The following CACNA1B variants were observed in gnomAD, a reference collection of about 807,000 sequenced individuals.
CACNA1B encodes calcium voltage-gated channel subunit alpha1 B.
CACNA1B carries 70 observed loss-of-function variants against 247.2 expected under a neutral mutation model. The ratio of observed to expected loss-of-function variants is 0.28; its 90% CI spans 0.23 to 0.35. CACNA1B has a LOEUF of 0.35. CACNA1B is among the 10% of genes least tolerant of loss of function. The pLI is 1.00. For missense variants in CACNA1B, 2,367 were observed against 3,197.4 expected, an observed-to-expected ratio of 0.74 and a Z score of 6.26; for synonymous variants, 1,231 against 1,294.4, an observed-to-expected ratio of 0.95 and a Z score of 1.05.
At chr9:138,106,185 C>G (rs958587335) in intron 39 of CACNA1B, among the ~76,000 whole-genome samples, 1 of 152,176 alleles carries the variant, frequency 6.6e-6, no homozygotes, top group Non-Finnish European at 1.5e-5. Context: ...TGAGCCCATC[C>G]GGTCTTTCCC....
intron 12 of CACNA1B, among the ~76,000 whole-genome samples, chr9:137,982,783 T>C (rs1326253166): frequency 2.0e-5 from 3 of 152,246 alleles, no homozygotes; most frequent in Non-Finnish European, 4.4e-5. Context: ...CAGATGGCAC[T>C]CTTGGCAAGA....
At chr9:138,008,337 C>T (rs1958680695) in intron 16 of CACNA1B, among the ~76,000 whole-genome samples, 1 of 152,228 alleles carries the variant, frequency 6.6e-6, no homozygotes, top group African/African-American at 2.4e-5. Flanking sequence ...CCACGAGCGT[C>T]CCCCTCCCTG....
chr9:138,040,628 G>A (rs1045251717), intron 20 of CACNA1B: 10 of 425,636 alleles, frequency 2.3e-5, no homozygotes, highest in South Asian at 3.4e-5. Context: ...TCCGATGTTC[G>A]AGGGCAGGAA....
At chr9:137,945,985 A>AT (rs1392115160) in intron 6 of CACNA1B, among the ~76,000 whole-genome samples, 3 of 151,920 alleles carry the variant, frequency 2.0e-5, no homozygotes, top group South Asian at 2.1e-4. Flanking sequence ...TGCCTGGCTA[A>AT]TTTTTTTTAT....
rs976454837 is a variant in CACNA1B at position 138,014,072 on chromosome 9, C to T, written c.2267+837C>T. On this transcript the variant is annotated intron_variant, in intron 18 of 46. Coordinates refer to ENST00000371372, the MANE Select transcript of CACNA1B (RefSeq NM_000718.4). The surrounding 1 kb of genome is among the most constrained non-coding windows in gnomAD (Gnocchi z 6.2). Reference sequence around the variant, plus strand: ...CTGCCGTGAACACGGAACACAGGGCCGGGTGCAGCCACAGGTGCATCTGTA... The same window carrying T: ...CTGCCGTGAACACGGAACACAGGGCTGGGTGCAGCCACAGGTGCATCTGTA... Among the ~76,000 whole-genome samples the T allele has an allele frequency of 1.3e-5, 2 of 152,260 alleles. No homozygotes were observed. The highest frequency in any genetic ancestry group is 2.4e-5 in the African/African-American group (1 of 41,460).
At chr9:138,120,052 G>C in intron 44 of CACNA1B, 113 bp from the exon 45 acceptor site, 1 of 891,040 alleles carries the variant, frequency 1.1e-6, no homozygotes, top group Non-Finnish European at 1.7e-6. Context: ...GTGAGACCAG[G>C]ATGGGGGGCG....
Position 137,887,402 on chromosome 9 carries a change from G to A in CACNA1B, c.530+4519G>A, listed in dbSNP as rs112237260. ...GCCAGGAGAGTTTTATGAAGTTGGG[G>A]GTTTGCAGCCCGTCCATGCCACGTG... On this transcript the variant is annotated intron_variant, in intron 3 of 46. Coordinates refer to ENST00000371372, the MANE Select transcript of CACNA1B (RefSeq NM_000718.4). Among the ~76,000 whole-genome samples the A allele has an allele frequency of 6.7e-4, 102 of 151,976 alleles. 2 individuals are homozygous for A. Among genetic ancestry groups the A allele is most frequent in the African/African-American group, 2.3e-3 (94 of 41,344 alleles).
rs1024336276 is a variant in CACNA1B at position 138,084,049 on chromosome 9, A to G, written c.5094+5791A>G. Among the ~76,000 whole-genome samples, 17 of 150,616 alleles carry G rather than the reference A, an allele frequency of 1.1e-4. 1 individual carries two copies. The highest frequency in any genetic ancestry group is 3.5e-4 in the African/African-American group (14 of 40,572). ...CTTCTTCCTGAATTGGACCAGTGCT[A>G]TGCCCTGCCCCCACCCCGCCCAGGA... On this transcript the variant is annotated intron_variant, in intron 36 of 46. Coordinates refer to ENST00000371372, the MANE Select transcript of CACNA1B (RefSeq NM_000718.4).
In CACNA1B at chr9:137,888,434, G is replaced by T. The variant is rs1405932875; in HGVS notation, c.530+5551G>T. ...CCTGGGGGTCAGGGACATGGGCAGG[G>T]CCCCCAGAACCCCAAAGCCCTGCGC... On this transcript the variant is annotated intron_variant, in intron 3 of 46. Coordinates refer to ENST00000371372, the MANE Select transcript of CACNA1B (RefSeq NM_000718.4). The surrounding 1 kb of genome is among the most constrained non-coding windows in gnomAD (Gnocchi z 4.7). 6.6e-6 allele frequency among the ~76,000 whole-genome samples: 1 copy of T among 152,206 alleles called. No homozygotes were observed. The highest frequency in any genetic ancestry group is 1.5e-5 in the Non-Finnish European group (1 of 68,030).
chr9:138,068,923 G>A (rs1397666134), intron 31 of CACNA1B, among the ~76,000 whole-genome samples: 1 of 152,200 alleles, frequency 6.6e-6, no homozygotes, highest in East Asian at 1.9e-4. Context: ...CCCACACTCC[G>A]TCCCTCAGCT....
At chr9:138,053,203 C>G (rs1959356547) in intron 25 of CACNA1B, among the ~76,000 whole-genome samples, 1 of 152,236 alleles carries the variant, frequency 6.6e-6, no homozygotes, top group Non-Finnish European at 1.5e-5. Context: ...AAGCCCAGCA[C>G]CTGCTGGTGC....
intron 36 of CACNA1B, among the ~76,000 whole-genome samples, chr9:138,094,457 A>AGAAG (rs1554757333): frequency 7.4e-6 from 1 of 134,836 alleles, no homozygotes; most frequent in Non-Finnish European, 1.6e-5. Flanking sequence ...AAAAAAAAAA[A>AGAAG]AAGAAGAAGA....
intron 11 of CACNA1B, among the ~76,000 whole-genome samples, chr9:137,975,177 C>T (rs984799936): frequency 1.3e-5 from 2 of 152,140 alleles, no homozygotes; most frequent in Non-Finnish European, 2.9e-5. Flanking sequence ...TCCCTCAGTA[C>T]TGAGGCCCGG....
At chr9:138,075,037 G>A (rs1165774917) in intron 34 of CACNA1B, among the ~76,000 whole-genome samples, 2 of 152,216 alleles carry the variant, frequency 1.3e-5, no homozygotes, top group Non-Finnish European at 2.9e-5. Context: ...ACATAAAGCA[G>A]TGTCCCAGTT....
At chr9:138,082,921 G>A (rs1960570222) in intron 36 of CACNA1B, among the ~76,000 whole-genome samples, 1 of 150,722 alleles carries the variant, frequency 6.6e-6, no homozygotes, top group East Asian at 2.0e-4. Context: ...GAAACACCAA[G>A]CAAACACCAC....
chr9:138,099,481 A>G (rs1961175893), intron 37 of CACNA1B, among the ~76,000 whole-genome samples: 1 of 151,590 alleles, frequency 6.6e-6, no homozygotes, highest in South Asian at 2.1e-4. Context: ...GGATGTGCAC[A>G]TGCCCGTGTG....
At chr9:138,039,491 A>G (rs974711993) in intron 20 of CACNA1B, among the ~76,000 whole-genome samples, 4 of 152,134 alleles carry the variant, frequency 2.6e-5, no homozygotes, top group African/African-American at 9.7e-5. Flanking sequence ...TCGTTACTCT[A>G]AGTAATTTTC....
chr9:137,945,389 G>A (rs899999630), intron 6 of CACNA1B, among the ~76,000 whole-genome samples: 25 of 152,188 alleles, frequency 1.6e-4, no homozygotes, highest in African/African-American at 5.5e-4. Flanking sequence ...GGTCTTGTCT[G>A]CGGTTCCCAA....
At chr9:138,047,617 G>A (rs1310818964) in intron 23 of CACNA1B, among the ~76,000 whole-genome samples, 159 bp downstream of exon 23, 2 of 152,224 alleles carry the variant, frequency 1.3e-5, no homozygotes, top group East Asian at 3.9e-4. Context: ...ATGAACATGT[G>A]CACACAAAGA....
Sources: allele counts gnomAD v4.1 joint callset (sites outside exome capture counted in the v4.1 genomes callset), GRCh38; gene constraint gnomAD v4.1.1; non-coding constraint Gnocchi (gnomAD v3.1); transcripts MANE v1.5; gene names NCBI Gene and HGNC (gene_info 2026-07-23, HGNC 2026-07-21).